ARID2: variants seen among roughly 807,000 people sequenced by gnomAD.
ARID2 encodes the protein AT-rich interaction domain 2, also known as AT-rich interactive domain-containing protein 2.
A neutral mutation model predicts 184.6 loss-of-function variants in ARID2; 32 were observed. The ratio of observed to expected loss-of-function variants is 0.17; its 90% CI spans 0.13 to 0.23. The LOEUF (loss-of-function observed/expected upper bound fraction) is 0.23. Among genes scored for constraint, ARID2 ranks in the 10% least tolerant of loss-of-function variants. ARID2 has a pLI of 1.00. For missense variants in ARID2, 1,696 were observed against 2,197.6 expected (o/e 0.77, Z 4.56); for synonymous variants, 836 against 772.6 (o/e 1.08, Z -1.36).
chr12:45,814,335 G>A (rs1034552798), intron 4 of ARID2, among the ~76,000 whole-genome samples: 2 of 152,178 alleles, frequency 1.3e-5, no homozygotes, highest in African/African-American at 4.8e-5. Context: ...TGACCCACTT[G>A]TATAAATTTT....
In ARID2 at chr12:45,852,492, A is replaced by G. The variant is rs775669378; in HGVS notation, c.4369A>G (p.Asn1457Asp). 3 of 1,614,028 alleles carry G rather than the reference A, an allele frequency of 1.9e-6. No individual in the cohort carries two copies. In the African/African-American group the frequency reaches 4.0e-5, roughly 22 times the overall value. ...LLNGPLASSL[N>D]SDVPQQRPSV... The stretch of plus-strand genomic sequence containing the variant: ...TAATGGACCTCTAGCTTCAAGTTTG[A>G]ATTCAGATGTGCCTCAGCAACGCCC... Residue 1457 changes from asparagine to aspartate, a missense_variant, in exon 15 of 21, where the codon AAT (asparagine) becomes GAT (aspartate). Asn to Asp is a conservative substitution (Grantham distance 23). Coordinates refer to ENST00000334344, the MANE Select transcript of ARID2 (RefSeq NM_152641.4).
Position 45,839,232 on chromosome 12 carries a change from T to G in ARID2, c.1331-97T>G. ...CTGTGATTCATGGACTAGCATTTATTCACATTGATAAGTATTCTGTACAAC... is the reference window on the plus strand; with the variant it reads ...CTGTGATTCATGGACTAGCATTTATGCACATTGATAAGTATTCTGTACAAC... On this transcript the variant is annotated intron_variant, in intron 10 of 20. Transcript: ENST00000334344. The G allele has an allele frequency of 3.5e-6, 4 of 1,130,998 alleles. No individual in the cohort carries two copies. The South Asian group carries it at 6.6e-5, about 19-fold the overall frequency. 70.1% of individuals were successfully genotyped at this position (1,130,998 alleles called of 1,614,324 possible). A position where few individuals can be genotyped will look rare whatever the true frequency, so the allele number is the denominator to read the frequency against.
intron 3 of ARID2, among the ~76,000 whole-genome samples, chr12:45,739,437 A>AATTTTTTT (rs1941203601): frequency 1.8e-5 from 1 of 55,760 alleles, no homozygotes; most frequent in African/African-American, 7.3e-5. Flanking sequence ...ATATAAAGTT[A>AATTTTTTT]CTTTTTTTTT....
intron 3 of ARID2, among the ~76,000 whole-genome samples, chr12:45,790,565 T>A (rs982157552): frequency 6.6e-6 from 1 of 152,212 alleles, no homozygotes; most frequent in Non-Finnish European, 1.5e-5. Context: ...AATTGTATGT[T>A]CTTATTTTAT....
At chr12:45,737,949 A>G (rs1047509987) in intron 3 of ARID2, among the ~76,000 whole-genome samples, 3 of 152,228 alleles carry the variant, frequency 2.0e-5, no homozygotes, top group South Asian at 2.1e-4. Context: ...GTTAAGGGAA[A>G]AAAAGAGTAA....
intron 6 of ARID2, among the ~76,000 whole-genome samples, chr12:45,828,009 A>G (rs911373315): frequency 3.9e-5 from 6 of 152,102 alleles, no homozygotes; most frequent in African/African-American, 1.4e-4. Flanking sequence ...TTGGACTCCT[A>G]TAAGTACTTT....
intron 3 of ARID2, among the ~76,000 whole-genome samples, chr12:45,800,469 A>G (rs768419760): frequency 1.8e-4 from 27 of 152,046 alleles, no homozygotes; most frequent in Admixed American, 4.6e-4. Flanking sequence ...TTGAATTGAT[A>G]TTAGAGATGT....
At chr12:45,761,422 T>G (rs972720583) in intron 3 of ARID2, among the ~76,000 whole-genome samples, 1 of 152,202 alleles carries the variant, frequency 6.6e-6, no homozygotes, top group African/African-American at 2.4e-5. Context: ...GTGGTAAACA[T>G]TGAGGCATTG....
rs778828713 is a variant in ARID2 at position 45,849,617 on chromosome 12, G to A, written c.1753G>A (p.Asp585Asn). The stretch of plus-strand genomic sequence containing the variant: ...AAATCATACAGTGAAGAGAGTGGAG[G>A]ATTCCAGTAGCAATGGGCAGGCACA... ...FPNHTVKRVEDSSSNGQAHIH... is the reference protein window; with the variant it reads ...FPNHTVKRVENSSSNGQAHIH... Residue 585 changes from aspartate to asparagine, a missense_variant, in exon 14 of 21, where the codon GAT (aspartate) becomes AAT (asparagine). Transcript: ENST00000334344. 39 of 1,613,312 alleles carry A rather than the reference G, an allele frequency of 2.4e-5. No homozygotes were observed. The highest frequency in any genetic ancestry group is 3.2e-5 in the Non-Finnish European group (38 of 1,179,584).
At chr12:45,899,047 G>A (rs1316068814) in intron 20 of ARID2, among the ~76,000 whole-genome samples, 3 of 151,810 alleles carry the variant, frequency 2.0e-5, no homozygotes, top group Non-Finnish European at 4.4e-5. Flanking sequence ...GCTGAGGCAG[G>A]TGAATCACGA....
intron 6 of ARID2, among the ~76,000 whole-genome samples, chr12:45,828,309 T>C (rs138612594): frequency 1.3e-4 from 20 of 152,268 alleles, no homozygotes; most frequent in Admixed American, 6.5e-4. Flanking sequence ...ATTTCATTCA[T>C]TTCTATTGTT....
Position 45,860,957 on chromosome 12 carries a change from G to A in ARID2, c.4922+8G>A, listed in dbSNP as rs767613978. On this transcript the variant is annotated splice_region_variant and intron_variant, in intron 16 of 20. Transcript: ENST00000334344. The stretch of plus-strand genomic sequence containing the variant: ...GTGGCAGTCTTGTAAAAAGTAAATG[G>A]CAATTTTATTTGATATATAAAAGTA... 1.2e-5 allele frequency: 19 copies of A among 1,528,222 alleles called. No individual in the cohort carries two copies. The highest frequency in any genetic ancestry group is 1.7e-5 in the Non-Finnish European group (19 of 1,137,102). The allele number at this position is 1,528,222 out of a possible 1,614,324, so 94.7% of individuals were successfully genotyped here. A position where few individuals can be genotyped will look rare whatever the true frequency, so the allele number is the denominator to read the frequency against.
intron 6 of ARID2, among the ~76,000 whole-genome samples, chr12:45,831,689 C>G (rs765723399): frequency 6.6e-6 from 1 of 152,178 alleles, no homozygotes; most frequent in Non-Finnish European, 1.5e-5. Context: ...TCATTCTACT[C>G]TCCATCTCCA....
At chr12:45,778,264 A>C (rs1399479860) in intron 3 of ARID2, among the ~76,000 whole-genome samples, 1 of 152,174 alleles carries the variant, frequency 6.6e-6, no homozygotes, top group African/African-American at 2.4e-5. Flanking sequence ...ACCCGCAAGA[A>C]AATGCCTTAT....
chr12:45,808,998 T>A (rs1942654618), intron 3 of ARID2, among the ~76,000 whole-genome samples: 1 of 152,056 alleles, frequency 6.6e-6, no homozygotes. Flanking sequence ...ACTCTTGGCC[T>A]CAAGAGATAC....
rs2138137803 is a variant in ARID2 at position 45,839,501 on chromosome 12, G to A, written c.1498+5G>A. 6.2e-7 allele frequency: 1 copy of A among 1,605,156 alleles called. No individual in the cohort carries two copies. Among genetic ancestry groups the A allele is most frequent in the Non-Finnish European group, 8.5e-7 (1 of 1,177,172 alleles). ...CTCATGTAGCATCTGCCCCAGGTTA[G>A]TGTTTTCACATATTCTTTTTCAGTG... is the stretch of plus-strand genomic sequence containing the variant. On this transcript the variant is annotated splice_donor_5th_base_variant and intron_variant, in intron 11 of 20. Coordinates refer to ENST00000334344, the MANE Select transcript of ARID2 (RefSeq NM_152641.4).
At chr12:45,842,253 G>T (rs1034904888) in intron 11 of ARID2, 1 of 146,772 alleles carries the variant, frequency 6.8e-6, no homozygotes, top group Non-Finnish European at 1.5e-5. Flanking sequence ...AAAAAAATAC[G>T]TATATGTATA....
intron 11 of ARID2, chr12:45,839,823 A>G (rs1943305567): frequency 4.7e-6 from 1 of 211,746 alleles, no homozygotes; most frequent in African/African-American, 2.3e-5. Context: ...GGAAATTGAC[A>G]TGCCAGGAAT....
rs142582821 is a variant in ARID2 at position 45,790,690 on chromosome 12, C to T, written c.285-20728C>T. ...TAAATTCTTTTGAATTTCTTACATGCGGAATGCTACTGTTCACAAATGTCA... is the reference window on the plus strand; with the variant it reads ...TAAATTCTTTTGAATTTCTTACATGTGGAATGCTACTGTTCACAAATGTCA... On this transcript the variant is annotated intron_variant, in intron 3 of 20. Transcript: ENST00000334344. Among the ~76,000 whole-genome samples, 418 of 152,160 alleles carry T rather than the reference C, an allele frequency of 2.7e-3. 3 individuals carry two copies. The highest frequency in any genetic ancestry group is 0.017 in the Middle Eastern group (5 of 294).
Sources: gnomAD v4.1 joint callset for allele counts (sites outside exome capture counted in the v4.1 genomes callset) on GRCh38, gnomAD v4.1.1 for gene constraint, MANE v1.5 for transcripts, NCBI Gene and HGNC (gene_info 2026-07-23, HGNC 2026-07-21) for gene names.